Variants in RAB3C observed in about 807,000 individuals in gnomAD.
The protein encoded by RAB3C is ras-related protein Rab-3C.
RAB3C carries 17 observed loss-of-function variants against 26.4 expected under a neutral mutation model. The ratio of observed to expected loss-of-function variants is 0.64; its 90% CI spans 0.44 to 0.97. RAB3C has a LOEUF of 0.97. Among genes scored for constraint, RAB3C ranks in the 50% least tolerant of loss-of-function variants. The pLI is 0.00. For synonymous variants in RAB3C, 91 were observed against 95.9 expected (o/e 0.95, Z 0.30); for missense variants, 242 against 281.9 (o/e 0.86, Z 1.01).
chr5:58,707,656 C>T (rs1488888841), intron 2 of RAB3C, among the ~76,000 whole-genome samples: 1 of 152,174 alleles, frequency 6.6e-6, no homozygotes, highest in East Asian at 1.9e-4. Flanking sequence ...AGACTGCCAG[C>T]ATCAGAATGA....
At chr5:58,655,941 C>A (rs911026933) in intron 2 of RAB3C, among the ~76,000 whole-genome samples, 3 of 151,932 alleles carry the variant, frequency 2.0e-5, no homozygotes, top group Admixed American at 2.0e-4. Context: ...GGACTACAGG[C>A]GCCCGCCACC....
At chr5:58,771,831 T>TTTTTTC (rs964167917) in intron 3 of RAB3C, among the ~76,000 whole-genome samples, 2 of 151,616 alleles carry the variant, frequency 1.3e-5, no homozygotes, top group South Asian at 2.1e-4. Context: ...TTTTTCTTTC[T>TTTTTTC]TTTTTCTTTT....
At chr5:58,754,278 A>C (rs572528939) in intron 3 of RAB3C, among the ~76,000 whole-genome samples, 25 of 152,332 alleles carry the variant, frequency 1.6e-4, no homozygotes, top group African/African-American at 6.0e-4. Context: ...GGAAACTGTC[A>C]CTAAATAATG....
At chr5:58,771,815 T>C (rs2111988942) in intron 3 of RAB3C, among the ~76,000 whole-genome samples, 1 of 151,906 alleles carries the variant, frequency 6.6e-6, no homozygotes, top group Non-Finnish European at 1.5e-5. Flanking sequence ...AGTGAAAACA[T>C]CTTTTTTTTT....
At chr5:58,660,051 C>A (rs181077014) in intron 2 of RAB3C, among the ~76,000 whole-genome samples, 11 of 142,370 alleles carry the variant, frequency 7.7e-5, no homozygotes, top group African/African-American at 3.4e-4. Context: ...GCAATCCGCC[C>A]GCCTCGGCCT....
rs1201285859 is a variant in RAB3C, at chr5:58,855,272, A to T, written c.*3921A>T. Reference sequence around the variant, plus strand: ...AAACTGTGATATGAATCTTATTTATAAAAAAGTCATAACTAAAACCCTTCT... The same window carrying T: ...AAACTGTGATATGAATCTTATTTATTAAAAAGTCATAACTAAAACCCTTCT... On this transcript the variant is annotated 3_prime_UTR_variant, in exon 5 of 5. Coordinates refer to ENST00000282878, the MANE Select transcript of RAB3C (RefSeq NM_138453.4). 1 of 152,360 alleles carries T rather than the reference A, an allele frequency of 6.6e-6. No individual in the cohort carries two copies. The highest frequency in any genetic ancestry group is 6.5e-5 in the Admixed American group (1 of 15,300). The allele number at this position is 152,360 out of a possible 1,614,324, so 9.4% of individuals were successfully genotyped here. A position where few individuals can be genotyped will look rare whatever the true frequency, so the allele number is the denominator to read the frequency against.
At chr5:58,603,272 A>T (rs1746495642) in intron 1 of RAB3C, among the ~76,000 whole-genome samples, 1 of 152,168 alleles carries the variant, frequency 6.6e-6, no homozygotes. Context: ...AACTTTGAAT[A>T]ACCTGATGAC....
At chr5:58,629,025 T>TG (rs1211475067) in intron 2 of RAB3C, among the ~76,000 whole-genome samples, 28 of 73,914 alleles carry the variant, frequency 3.8e-4, no homozygotes, top group Non-Finnish European at 5.6e-4. Context: ...ACCTCACTTC[T>TG]GGAAAAAAAA....
chr5:58,592,848 T>G (rs1198024325), intron 1 of RAB3C, among the ~76,000 whole-genome samples: 1 of 152,152 alleles, frequency 6.6e-6, no homozygotes, highest in Non-Finnish European at 1.5e-5. Context: ...TGTTTAACTT[T>G]GAGTTTAAAC....
intron 3 of RAB3C, among the ~76,000 whole-genome samples, chr5:58,788,591 G>T (rs2112011016): frequency 6.6e-6 from 1 of 152,198 alleles, no homozygotes. Context: ...AGGCAGATTT[G>T]GTGAAAGCTT....
At chr5:58,825,325 C>T (rs1307445578) in intron 4 of RAB3C, among the ~76,000 whole-genome samples, 163 bp downstream of exon 4, 1 of 152,144 alleles carries the variant, frequency 6.6e-6, no homozygotes, top group African/African-American at 2.4e-5. Flanking sequence ...TATTTTCTCC[C>T]ACTTACTATG....
intron 3 of RAB3C, among the ~76,000 whole-genome samples, chr5:58,785,116 A>G (rs1456292179): frequency 6.6e-6 from 1 of 152,242 alleles, no homozygotes; most frequent in Non-Finnish European, 1.5e-5. Flanking sequence ...GACCAAACCC[A>G]GACAATTGGT....
chr5:58,724,294 G>T (rs954890561), intron 2 of RAB3C, among the ~76,000 whole-genome samples: 7 of 151,634 alleles, frequency 4.6e-5, no homozygotes, highest in African/African-American at 1.7e-4. Flanking sequence ...AGAGGGATTT[G>T]GTTTACAGAG....
At chr5:58,846,119 C>T (rs146578739) in intron 4 of RAB3C, among the ~76,000 whole-genome samples, 1 of 152,100 alleles carries the variant, frequency 6.6e-6, no homozygotes, top group Non-Finnish European at 1.5e-5. Flanking sequence ...TGAAAATTTC[C>T]TTTCTTTTAA....
intron 4 of RAB3C, among the ~76,000 whole-genome samples, chr5:58,844,391 G>A (rs1180402109): frequency 6.6e-6 from 1 of 152,154 alleles, no homozygotes; most frequent in African/African-American, 2.4e-5. Context: ...CTAGCCTTTG[G>A]TTGAGCTCCT....
chr5:58,718,809 T>A (rs559478014), intron 2 of RAB3C, among the ~76,000 whole-genome samples: 2 of 152,016 alleles, frequency 1.3e-5, no homozygotes, highest in Non-Finnish European at 2.9e-5. Context: ...CTGCACAAGA[T>A]CAGTTGGGAA....
intron 3 of RAB3C, among the ~76,000 whole-genome samples, chr5:58,778,594 T>A (rs1290604225): frequency 6.6e-6 from 1 of 152,150 alleles, no homozygotes; most frequent in Non-Finnish European, 1.5e-5. Context: ...TTGCTTTTCT[T>A]GTCCTACTTA....
chr5:58,737,996 A>G (rs2111941081), intron 3 of RAB3C, among the ~76,000 whole-genome samples: 1 of 152,304 alleles, frequency 6.6e-6, no homozygotes, highest in African/African-American at 2.4e-5. Context: ...ACAGCATTTT[A>G]TTTTTTGGAT....
chr5:58,694,003 T>C (rs868387697), intron 2 of RAB3C, among the ~76,000 whole-genome samples: 1 of 152,182 alleles, frequency 6.6e-6, no homozygotes, highest in African/African-American at 2.4e-5. Context: ...TACGTAGGTA[T>C]ACATGTGCCA....
Sources: allele counts gnomAD v4.1 joint callset (sites outside exome capture counted in the v4.1 genomes callset), GRCh38; gene constraint gnomAD v4.1.1; transcripts MANE v1.5; gene names NCBI Gene and HGNC (gene_info 2026-07-23, HGNC 2026-07-21).